PRDM7: variants seen among roughly 807,000 people sequenced by gnomAD.
The protein encoded by PRDM7 is PR/SET domain 7.
A neutral mutation model predicts 64.3 loss-of-function variants in PRDM7; 52 were observed. That is an observed-to-expected ratio of 0.81 (90% confidence interval 0.65 to 1.02). PRDM7 has a LOEUF of 1.02. Ranked by LOEUF, PRDM7 falls within the 50% of genes least tolerant of loss-of-function variation. The probability of loss-of-function intolerance (pLI) is 0.00; values close to 1 mark genes in which losing one functional copy is unlikely to be tolerated. For synonymous variants in PRDM7, 192 were observed against 210.1 expected (o/e 0.91, Z 0.74); for missense variants, 574 against 597.1 (o/e 0.96, Z 0.40).
chr16:90,065,787 C>G (rs1316213608), intron 5 of PRDM7, among the ~76,000 whole-genome samples: 1 of 151,360 alleles, frequency 6.6e-6, no homozygotes, highest in Admixed American at 6.6e-5. Flanking sequence ...ATCTCATAGT[C>G]CTGATATATC....
At position 90,075,290 on chromosome 16, in the gene PRDM7, T is replaced by C; in HGVS notation, c.193+61A>G. The C allele has an allele frequency of 1.2e-6, 2 of 1,612,432 alleles. No homozygotes were observed. The highest frequency in any genetic ancestry group is 1.3e-5 in the African/African-American group (1 of 74,974). On this transcript the variant is annotated intron_variant, in intron 3 of 10. Transcript: ENST00000449207. The surrounding 1 kb of genome is among the most constrained non-coding windows in gnomAD (Gnocchi z 4.3). ...CCGCCACCTGATAATTAAAATAATA[T>C]AGGGACCAAAGACCTGTTTTATATC...
At chr16:90,070,721 C>T (rs559831459) in intron 4 of PRDM7, among the ~76,000 whole-genome samples, 1 of 143,810 alleles carries the variant, frequency 7.0e-6, no homozygotes, top group East Asian at 1.9e-4. Context: ...GAAGAGAGCC[C>T]TCACTGGAAC....
At chr16:90,064,204 A>G (rs1270317875) in intron 5 of PRDM7, among the ~76,000 whole-genome samples, 2 of 152,236 alleles carry the variant, frequency 1.3e-5, no homozygotes, top group Non-Finnish European at 2.9e-5. Context: ...GAACAGAACA[A>G]AGAGATGATT....
intron 6 of PRDM7, 81 bp from the exon 7 acceptor site, chr16:90,062,583 T>A: frequency 8.3e-7 from 1 of 1,206,084 alleles, no homozygotes; most frequent in South Asian, 1.2e-5. Context: ...TGAAATCTCC[T>A]ACCATCAAAT....
intron 5 of PRDM7, among the ~76,000 whole-genome samples, chr16:90,064,900 G>A (rs2037846548): frequency 6.7e-6 from 1 of 149,956 alleles, no homozygotes; most frequent in Admixed American, 6.6e-5. Flanking sequence ...TGTAGTTTTA[G>A]TAGAGATGGG....
At chr16:90,072,527 C>T (rs889648478) in intron 4 of PRDM7, among the ~76,000 whole-genome samples, 9 of 152,126 alleles carry the variant, frequency 5.9e-5, no homozygotes, top group African/African-American at 1.9e-4. Flanking sequence ...TATGAGGTAT[C>T]TAAAGTAACC....
chr16:90,075,210 GAAC>G lies in PRDM7; in HGVS notation c.193+138_193+140del. The G allele has an allele frequency of 6.6e-7, 1 of 1,508,464 alleles. No individual in the cohort carries two copies. Among genetic ancestry groups the G allele is most frequent in the African/African-American group, 1.4e-5 (1 of 72,454 alleles). The allele number at this position is 1,508,464 out of a possible 1,614,324, so 93.4% of individuals were successfully genotyped here. ...CACACAACCCTGCACTGACGCAAAA[GAAC>G]AATATTTCCCTCCAGATTTGTCTCC... On this transcript the variant is annotated intron_variant, in intron 3 of 10. Coordinates refer to ENST00000449207, the MANE Select transcript of PRDM7 (RefSeq NM_001098173.2). The surrounding 1 kb of genome is among the most constrained non-coding windows in gnomAD (Gnocchi z 4.3).
In PRDM7 at chr16:90,062,502, T is replaced by A; in HGVS notation, c.509A>T (p.Glu170Val). 1.2e-6 allele frequency: 2 copies of A among 1,612,202 alleles called. No individual in the cohort carries two copies. The highest frequency in any genetic ancestry group is 2.2e-5 in the South Asian group (2 of 91,060). ...TCCTTCAGTCTCCTTCCTCCTGAGT[T>A]CTAGGTTGGAGAAGAGTAGATGGGT... ...TSGQHSRLKL[E>V]LRRKETEGKM... The change falls in exon 7 of 11, where the codon GAA (glutamate) becomes GTA (valine). Residue 170 changes from glutamate to valine, a missense_variant and splice_region_variant. Physicochemically the swap from Glu to Val is moderately radical, Grantham distance 121. Coordinates refer to ENST00000449207, the MANE Select transcript of PRDM7 (RefSeq NM_001098173.2).
At chr16:90,071,691 A>G (rs76059041) in intron 4 of PRDM7, among the ~76,000 whole-genome samples, 4,617 of 152,272 alleles carry the variant, frequency 0.03, 172 homozygotes, top group African/African-American at 0.083. Flanking sequence ...TATCATTACC[A>G]AATCACCTCT....
rs1481749179 is a variant in PRDM7 at position 90,074,934 on chromosome 16, A to G, written c.283T>C (p.Trp95Arg). 1.2e-6 allele frequency: 2 copies of G among 1,613,844 alleles called. No homozygotes were observed. The highest frequency in any genetic ancestry group is 1.7e-6 in the Non-Finnish European group (2 of 1,179,986). The change falls in exon 4 of 11, where the codon TGG becomes CGG. Residue 95 changes from tryptophan (W) to arginine (R), a missense_variant. By Grantham distance (101) the Trp-to-Arg change is moderately radical. Transcript: ENST00000449207. Reference sequence around the variant, plus strand: ...CTCTTACCTTGCTGCCTAGGTGTCCATTCTTCATCGGAATCTTCTGTGTCA... The same window carrying G: ...CTCTTACCTTGCTGCCTAGGTGTCCGTTCTTCATCGGAATCTTCTGTGTCA... ...VDDTEDSDEE[W>R]TPRQQVKPPW...
At chr16:90,071,608 C>A (rs1482559549) in intron 4 of PRDM7, among the ~76,000 whole-genome samples, 1 of 44,982 alleles carries the variant, frequency 2.2e-5, no homozygotes, top group Non-Finnish European at 7.5e-5. Context: ...TCATCCTTTT[C>A]ATCGGAACCC....
At chr16:90,067,034 C>T in intron 4 of PRDM7, 124 bp from the exon 5 acceptor site, 1 of 763,816 alleles carries the variant, frequency 1.3e-6, no homozygotes, top group Non-Finnish European at 2.3e-6. Flanking sequence ...GCACAATCTC[C>T]CCTCACTGCA....
At chr16:90,069,035 G>C (rs1166383419) in intron 4 of PRDM7, among the ~76,000 whole-genome samples, 1 of 151,254 alleles carries the variant, frequency 6.6e-6, no homozygotes, top group Non-Finnish European at 1.5e-5. Context: ...GAATCTCTAA[G>C]GACCCAGAAT....
In PRDM7 at chr16:90,058,052, G is replaced by A; in HGVS notation, c.*237C>T. ...GGCTTCCCCCCTGTGTGTGTCCTTT[G>A]GTGTGTAATAACATCTGACTTATCA... On this transcript the variant is annotated 3_prime_UTR_variant, in exon 11 of 11. Coordinates refer to ENST00000449207, the MANE Select transcript of PRDM7 (RefSeq NM_001098173.2). The A allele has an allele frequency of 6.2e-7, 1 of 1,612,364 alleles. No homozygotes were observed. The highest frequency in any genetic ancestry group is 1.1e-5 in the South Asian group (1 of 91,062).
Position 90,058,352 on chromosome 16 carries a change from C to T in PRDM7, c.1416G>A (p.Leu472=), listed in dbSNP as rs1288696601. The T allele has an allele frequency of 1.2e-6, 2 of 1,614,184 alleles. No individual in the cohort carries two copies. Among genetic ancestry groups the T allele is most frequent in the East Asian group, 2.2e-5 (1 of 44,880 alleles). ...GTTTTGTCATTACAGCAGCGTGGAT[C>T]AGAATATTGCCGCTCCTGATTCTGA... ...QGIRIRSGNI[L]IHAAVMTKPK... Residue 472 remains leucine, a synonymous_variant, in exon 11 of 11, where the codon CTG becomes CTA. Coordinates refer to ENST00000449207, the MANE Select transcript of PRDM7 (RefSeq NM_001098173.2).
intron 4 of PRDM7, among the ~76,000 whole-genome samples, chr16:90,071,365 G>A (rs376682311): frequency 1.7e-3 from 253 of 152,310 alleles, no homozygotes; most frequent in African/African-American, 5.6e-3. Flanking sequence ...TCCTGACCTT[G>A]TGATCTGCCT....
chr16:90,075,610 C>T lies in PRDM7; in HGVS notation c.70-136G>A, dbSNP rs2038025967. On this transcript the variant is annotated intron_variant, in intron 2 of 10. Transcript: ENST00000449207. The surrounding 1 kb of genome is among the most constrained non-coding windows in gnomAD (Gnocchi z 4.3). ...AACATAAAGACCTTCCCTCCTTCTC[C>T]AGATTGTGTCCTGTTTAACTGAGCA... The T allele has an allele frequency of 2.0e-6, 3 of 1,479,892 alleles. No homozygotes were observed. The highest frequency in any genetic ancestry group is 1.7e-5 in the Admixed American group (1 of 59,084). The allele number at this position is 1,479,892 out of a possible 1,614,324, so 91.7% of individuals were successfully genotyped here.
chr16:90,074,959 A>T lies in PRDM7; in HGVS notation c.258T>A (p.Asp86Glu), dbSNP rs1365462092. ...HRRQAIKLQV[D>E]DTEDSDEEWT... Reference sequence around the variant, plus strand: ...ATTCTTCATCGGAATCTTCTGTGTCATCCACCTGGAGTTTGATGGCCTGCC... The same window carrying T: ...ATTCTTCATCGGAATCTTCTGTGTCTTCCACCTGGAGTTTGATGGCCTGCC... Residue 86 changes from aspartate (D) to glutamate (E), a missense_variant, in exon 4 of 11, where the codon GAT becomes GAA. Coordinates refer to ENST00000449207, the MANE Select transcript of PRDM7 (RefSeq NM_001098173.2). The T allele has an allele frequency of 2.5e-6, 4 of 1,613,876 alleles. No homozygotes were observed. The highest frequency in any genetic ancestry group is 3.4e-6 in the Non-Finnish European group (4 of 1,180,008).
chr16:90,076,141 G>A (rs7196153), intron 1 of PRDM7, 146 bp from the exon 2 acceptor site: 5,960 of 564,924 alleles, frequency 0.011, 310 homozygotes, highest in African/African-American at 0.1. Flanking sequence ...AGGTCTGGGG[G>A]TACTGATGGG....
Sources: allele counts gnomAD v4.1 joint callset (sites outside exome capture counted in the v4.1 genomes callset), GRCh38; gene constraint gnomAD v4.1.1; non-coding constraint Gnocchi (gnomAD v3.1); transcripts MANE v1.5; gene names NCBI Gene and HGNC (gene_info 2026-07-23, HGNC 2026-07-21).